Variants in COL4A4 observed in about 807,000 individuals in gnomAD.
COL4A4 encodes collagen alpha-4(IV) chain.
A neutral mutation model predicts 192.9 loss-of-function variants in COL4A4; 105 were observed. That is an observed-to-expected ratio of 0.54 (90% CI 0.46 to 0.64). The LOEUF (loss-of-function observed/expected upper bound fraction) is 0.64, where lower values mean the gene tolerates loss of function less well. COL4A4 is among the 30% of genes least tolerant of loss of function. The pLI is 0.00. For synonymous variants in COL4A4, 762 were observed against 769.9 expected, an observed-to-expected ratio of 0.99 and a Z score of 0.17; for missense variants, 1,967 against 2,169.3, an observed-to-expected ratio of 0.91 and a Z score of 1.85.
At chr2:227,114,852 C>T (rs1450089667) in intron 7 of COL4A4, among the ~76,000 whole-genome samples, 156 bp from the exon 8 acceptor site, 1 of 152,122 alleles carries the variant, frequency 6.6e-6, no homozygotes. Flanking sequence ...ATTATTATCA[C>T]CCTAAGGTTC....
chr2:226,996,477 GT>G, the COL4A4 span: 1 of 152,232 alleles, frequency 6.6e-6, no homozygotes, highest in Admixed American at 6.5e-5. Context: ...TGTCTGAGTC[GT>G]TTAAGGCATT....
At chr2:227,024,153 T>C (rs772272596) in intron 43 of COL4A4, among the ~76,000 whole-genome samples, 6 of 152,194 alleles carry the variant, frequency 3.9e-5, no homozygotes, top group Admixed American at 1.3e-4. Context: ...AACCACCTCA[T>C]CAGACTGCAT....
At chr2:227,116,826 G>A (rs2061515667) in intron 7 of COL4A4, among the ~76,000 whole-genome samples, 1 of 151,656 alleles carries the variant, frequency 6.6e-6, no homozygotes, top group South Asian at 2.1e-4. Flanking sequence ...CACAACACTG[G>A]AAACAGATCC....
rs539449228 is a variant in COL4A4, at chr2:227,011,821, T to C, written c.4333+360A>G. Among the ~76,000 whole-genome samples, 112 of 152,326 alleles carry C rather than the reference T, an allele frequency of 7.4e-4. 3 individuals are homozygous for C. In the Middle Eastern group the frequency reaches 0.024, roughly 32 times the overall value. ...GAACACACACACCGTCCCTGAGGTCTTCATCACAGCCTCTTAAGGGTGATC... is the reference window on the plus strand; with the variant it reads ...GAACACACACACCGTCCCTGAGGTCCTCATCACAGCCTCTTAAGGGTGATC... On this transcript the variant is annotated intron_variant, in intron 45 of 47. Transcript: ENST00000396625.
At chr2:227,144,882 C>T (rs947184782) in intron 2 of COL4A4, among the ~76,000 whole-genome samples, 3 of 152,060 alleles carry the variant, frequency 2.0e-5, no homozygotes, top group Non-Finnish European at 4.4e-5. Flanking sequence ...ATGAAAACTG[C>T]AGGAGAGAAG....
At chr2:227,133,670 T>C (rs1439858939) in intron 4 of COL4A4, among the ~76,000 whole-genome samples, 1 of 152,054 alleles carries the variant, frequency 6.6e-6, no homozygotes, top group Admixed American at 6.6e-5. Context: ...GGTTGGCAGA[T>C]CACCTGAGGT....
chr2:227,081,760 T>G (rs898277124), intron 23 of COL4A4, among the ~76,000 whole-genome samples: 17 of 150,836 alleles, frequency 1.1e-4, no homozygotes, highest in African/African-American at 4.2e-4. Flanking sequence ...AAAAAAACGA[T>G]TTCAAGCTGG....
intron 8 of COL4A4, 118 bp downstream of exon 8, chr2:227,114,510 G>A (rs78106309): frequency 8.4e-5 from 70 of 831,020 alleles, no homozygotes; most frequent in Middle Eastern, 6.5e-4. Flanking sequence ...TCAGGGTAAT[G>A]ATAAAAATTG....
chr2:227,161,018 G>A (rs1007458583), intron 1 of COL4A4, among the ~76,000 whole-genome samples: 1 of 152,236 alleles, frequency 6.6e-6, no homozygotes, highest in South Asian at 2.1e-4. Context: ...CATAAGAGGT[G>A]TATCTTGTAT....
intron 1 of COL4A4, among the ~76,000 whole-genome samples, chr2:227,162,938 T>C (rs923773376): frequency 1.3e-5 from 2 of 152,342 alleles, no homozygotes; most frequent in Non-Finnish European, 2.9e-5. Flanking sequence ...CATTCACTGT[T>C]AGGGTTTTGC....
At chr2:227,008,878 G>A (rs1962824971) in intron 46 of COL4A4, among the ~76,000 whole-genome samples, 1 of 152,170 alleles carries the variant, frequency 6.6e-6, no homozygotes, top group Non-Finnish European at 1.5e-5. Flanking sequence ...AGTGTCCAGT[G>A]ATAAATCAGA....
At chr2:226,968,180 G>C in the COL4A4 span, among the ~76,000 whole-genome samples, 1 of 152,168 alleles carries the variant, frequency 6.6e-6, no homozygotes, top group Non-Finnish European at 1.5e-5. Context: ...TGATATAAGA[G>C]TTGTATAAAC....
intron 37 of COL4A4, among the ~76,000 whole-genome samples, chr2:227,041,822 AAGAAAGAAAGAAAGAAAGAAAGAAAG>A (rs1559477323): frequency 7.3e-4 from 29 of 39,822 alleles, no homozygotes; most frequent in East Asian, 3.6e-3. Context: ...GAAAGAAAGA[AAGAAAGAAAGAAAGAAAGAAAGAAAG>A]AGAAAGAAAG....
chr2:227,113,652 T>C (rs764547814), intron 8 of COL4A4, among the ~76,000 whole-genome samples: 5 of 152,240 alleles, frequency 3.3e-5, no homozygotes, highest in Non-Finnish European at 7.3e-5. Context: ...GTTCCTAGAA[T>C]GACCCTGCTG....
chr2:226,969,926 G>A, the COL4A4 span, among the ~76,000 whole-genome samples: 1 of 151,978 alleles, frequency 6.6e-6, no homozygotes, highest in Non-Finnish European at 1.5e-5. Context: ...AACTCAGAAG[G>A]AGGGTCTGGT....
Position 227,047,492 on chromosome 2 carries a change from C to T in COL4A4, c.3272G>A (p.Gly1091Asp). ...AGCTATACCTGGACATCCAGGGCTA[C>T]CTGGCTCACCCTTTGGACCAGGTGG... ...FGPPGPKGEP[G>D]SPGCPGHFGA... The change falls in exon 35 of 48, where the codon GGT (glycine) becomes GAT (aspartate). Residue 1091 changes from glycine to aspartate, a missense_variant. Physicochemically the swap from Gly to Asp is moderately conservative, Grantham distance 94. Coordinates refer to ENST00000396625, the MANE Select transcript of COL4A4 (RefSeq NM_000092.5). 6.2e-7 allele frequency: 1 copy of T among 1,613,652 alleles called. No homozygotes were observed. Among genetic ancestry groups the T allele is most frequent in the Non-Finnish European group, 8.5e-7 (1 of 1,179,714 alleles).
intron 45 of COL4A4, 119 bp from the exon 46 acceptor site, chr2:227,010,620 C>T (rs1234700929): frequency 2.1e-5 from 16 of 747,714 alleles, no homozygotes; most frequent in Non-Finnish European, 3.2e-5. Flanking sequence ...GAGCATGACT[C>T]AGCCCCTCCT....
intron 1 of COL4A4, among the ~76,000 whole-genome samples, chr2:227,151,054 A>T (rs1419289735): frequency 1.3e-5 from 2 of 152,168 alleles, no homozygotes; most frequent in African/African-American, 4.8e-5. Context: ...ATGTCACAGC[A>T]GTCTGATTTT....
intron 37 of COL4A4, 141 bp downstream of exon 37, chr2:227,042,007 G>C (rs2150092894): frequency 2.8e-6 from 2 of 723,476 alleles, no homozygotes; most frequent in Middle Eastern, 6.1e-4. Context: ...CTAAGGAAGA[G>C]TAGGAAGATG....
Sources: gnomAD v4.1 joint callset for allele counts (sites outside exome capture counted in the v4.1 genomes callset) on GRCh38, gnomAD v4.1.1 for gene constraint, MANE v1.5 for transcripts, NCBI Gene and HGNC (gene_info 2026-07-23, HGNC 2026-07-21) for gene names.